Variants in GNPTAB observed in about 807,000 individuals in gnomAD.
GNPTAB encodes N-acetylglucosamine-1-phosphotransferase subunits alpha/beta.
In GNPTAB, 92 loss-of-function variants were observed where a neutral mutation model predicts 136.6. The observed-to-expected ratio is 0.67, with a 90% CI of 0.57 to 0.80. The LOEUF (loss-of-function observed/expected upper bound fraction) is 0.80. Ranked by LOEUF, GNPTAB falls within the 30% of genes least tolerant of loss-of-function variation. The pLI, the probability that GNPTAB is intolerant of heterozygous loss-of-function variation, is 0.00. For missense variants in GNPTAB, 1,343 were observed against 1,501.8 expected (o/e 0.89, Z 1.75); for synonymous variants, 512 against 535.1 (o/e 0.96, Z 0.60).
intron 1 of GNPTAB, among the ~76,000 whole-genome samples, chr12:101,807,755 C>G (rs925415033): frequency 6.6e-6 from 1 of 152,160 alleles, no homozygotes; most frequent in Non-Finnish European, 1.5e-5. Flanking sequence ...CACGGTGAAA[C>G]TCCACCTCTA....
chr12:101,765,935 T>C (rs560512079), intron 12 of GNPTAB, 156 bp downstream of exon 12: 16 of 710,004 alleles, frequency 2.3e-5, no homozygotes, highest in Admixed American at 2.0e-4. Context: ...CAGTGATTTA[T>C]GTTGTTCTCT....
At chr12:101,770,824 T>C (rs574288949) in intron 8 of GNPTAB, among the ~76,000 whole-genome samples, 172 bp downstream of exon 8, 2 of 152,356 alleles carry the variant, frequency 1.3e-5, no homozygotes, top group African/African-American at 4.8e-5. Flanking sequence ...TTGGATCTGA[T>C]TCTAGGTGAC....
In GNPTAB at chr12:101,771,177, T is replaced by G; in HGVS notation, c.772-20A>C. The stretch of plus-strand genomic sequence containing the variant: ...CTGCAACTATCAAATAACAAGAGGA[T>G]TACACATGAAAAGACTGAATCTCAA... On this transcript the variant is annotated intron_variant, in intron 7 of 20. Transcript: ENST00000299314. The G allele has an allele frequency of 6.2e-7, 1 of 1,606,372 alleles. No homozygotes were observed. The highest frequency in any genetic ancestry group is 8.5e-7 in the Non-Finnish European group (1 of 1,173,086).
chr12:101,774,541 A>G (rs2137129666), intron 7 of GNPTAB, among the ~76,000 whole-genome samples: 1 of 152,366 alleles, frequency 6.6e-6, no homozygotes, highest in Admixed American at 6.5e-5. Context: ...CAGGGATGAT[A>G]AAACAATCCC....
At chr12:101,755,813 CTG>C (rs1292027546) in intron 18 of GNPTAB, among the ~76,000 whole-genome samples, 1 of 152,184 alleles carries the variant, frequency 6.6e-6, no homozygotes, top group Non-Finnish European at 1.5e-5. Flanking sequence ...GCCTGGCAAA[CTG>C]TGGAAAAAGC....
chr12:101,761,564 A>C lies in GNPTAB; in HGVS notation c.2915T>G (p.Met972Arg). 1 of 1,613,732 alleles carries C rather than the reference A, an allele frequency of 6.2e-7. No homozygotes were observed. The highest frequency in any genetic ancestry group is 8.5e-7 in the Non-Finnish European group (1 of 1,179,610). The stretch of plus-strand genomic sequence containing the variant: ...CAACTCAAACACGAGCAAGACTTAC[A>C]TATCTTGCAGTTCTTGCATAACAAT... ...DRIVMQELQD[M>R]FPEEFDKTSF... Residue 972 changes from methionine to arginine, a missense_variant and splice_region_variant, in exon 14 of 21, where the codon ATG (methionine) becomes AGG (arginine). By Grantham distance (91) the Met-to-Arg change is moderately conservative. Transcript: ENST00000299314.
chr12:101,825,960 T>G (rs1871067256), intron 1 of GNPTAB, among the ~76,000 whole-genome samples: 1 of 152,218 alleles, frequency 6.6e-6, no homozygotes. Context: ...GTCCCCACTC[T>G]CAGGCCAGGC....
chr12:101,830,713 A>AGCC lies in GNPTAB; in HGVS notation c.-41_-39dup, dbSNP rs76300806. ...GCCACGCCACGCCCCGAGGAGCCTG[A>AGCC]GCCGCCGCCGCCGCCGCCGCCGCCT... is the stretch of plus-strand genomic sequence containing the variant. On this transcript the variant is annotated 5_prime_UTR_variant, in exon 1 of 21. Coordinates refer to ENST00000299314, the MANE Select transcript of GNPTAB (RefSeq NM_024312.5). 333 of 1,047,000 alleles carry AGCC rather than the reference A, an allele frequency of 3.2e-4. 2 individuals are homozygous for AGCC. The highest frequency in any genetic ancestry group is 2.4e-3 in the Middle Eastern group (8 of 3,386). The allele number at this position is 1,047,000 out of a possible 1,614,324, so 64.9% of individuals were successfully genotyped here.
chr12:101,812,319 G>A (rs1594255554), intron 1 of GNPTAB, among the ~76,000 whole-genome samples: 1 of 152,108 alleles, frequency 6.6e-6, no homozygotes. Flanking sequence ...GAGCAAGGGG[G>A]AAGTCCCCCA....
intron 18 of GNPTAB, among the ~76,000 whole-genome samples, chr12:101,754,389 C>T (rs1302642255): frequency 6.6e-6 from 1 of 151,668 alleles, no homozygotes; most frequent in Non-Finnish European, 1.5e-5. Context: ...TTAGATTGCA[C>T]CACTGCACTC....
intron 5 of GNPTAB, among the ~76,000 whole-genome samples, chr12:101,785,071 A>T (rs1868556331): frequency 6.6e-6 from 1 of 152,240 alleles, no homozygotes; most frequent in African/African-American, 2.4e-5. Flanking sequence ...AAATAACAGA[A>T]ATCTGTTTTT....
intron 2 of GNPTAB, among the ~76,000 whole-genome samples, chr12:101,795,122 T>C (rs985152192): frequency 1.3e-5 from 2 of 152,226 alleles, no homozygotes; most frequent in African/African-American, 4.8e-5. Flanking sequence ...TTAAAAATCC[T>C]TTAATGCAGT....
intron 1 of GNPTAB, among the ~76,000 whole-genome samples, chr12:101,818,295 A>G (rs1053371383): frequency 3.3e-5 from 5 of 152,046 alleles, no homozygotes; most frequent in Admixed American, 3.3e-4. Flanking sequence ...ACACATTTCA[A>G]GTTTGCCTAC....
intron 5 of GNPTAB, among the ~76,000 whole-genome samples, chr12:101,783,039 T>C (rs1868432834): frequency 6.6e-6 from 1 of 150,764 alleles, no homozygotes; most frequent in African/African-American, 2.4e-5. Flanking sequence ...CTGCCCCTGC[T>C]TGGTTTTTTT....
At chr12:101,772,791 C>T (rs761638202) in intron 7 of GNPTAB, among the ~76,000 whole-genome samples, 18 of 152,140 alleles carry the variant, frequency 1.2e-4, no homozygotes, top group Non-Finnish European at 2.5e-4. Flanking sequence ...GAAAAAGTCA[C>T]TATTCTAGAA....
chr12:101,755,943 A>G (rs954772444), intron 18 of GNPTAB, among the ~76,000 whole-genome samples: 1 of 152,216 alleles, frequency 6.6e-6, no homozygotes, highest in Non-Finnish European at 1.5e-5. Context: ...AGTATAGGCT[A>G]CAACTAAAAA....
intron 1 of GNPTAB, among the ~76,000 whole-genome samples, chr12:101,814,654 G>A (rs1473111407): frequency 6.6e-6 from 1 of 151,678 alleles, no homozygotes; most frequent in East Asian, 1.9e-4. Context: ...CCGGGACCAT[G>A]TCACTGCACT....
chr12:101,782,456 G>A (rs1055629419), intron 5 of GNPTAB, among the ~76,000 whole-genome samples: 6 of 152,096 alleles, frequency 3.9e-5, no homozygotes, highest in East Asian at 1.9e-4. Context: ...CTCTAACACC[G>A]AGTCATTAGG....
chr12:101,767,973 C>T (rs1953119055), intron 11 of GNPTAB, 64 bp downstream of exon 11: 1 of 1,526,692 alleles, frequency 6.6e-7, no homozygotes, highest in Non-Finnish European at 9.1e-7. Context: ...AGCACATGTT[C>T]AATAATGATT....
Sources: gnomAD v4.1 joint callset for allele counts (sites outside exome capture counted in the v4.1 genomes callset) on GRCh38, gnomAD v4.1.1 for gene constraint, MANE v1.5 for transcripts, NCBI Gene and HGNC (gene_info 2026-07-23, HGNC 2026-07-21) for gene names.